Variants in HECTD3 observed in about 807,000 individuals in gnomAD.
HECTD3 encodes E3 ubiquitin-protein ligase HECTD3.
A neutral mutation model predicts 109.3 loss-of-function variants in HECTD3; 72 were observed. The observed-to-expected ratio is 0.66, with a 90% CI of 0.54 to 0.80. The LOEUF (loss-of-function observed/expected upper bound fraction) is 0.80. Ranked by LOEUF, HECTD3 falls within the 30% of genes least tolerant of loss-of-function variation. The pLI is 0.00. For synonymous variants in HECTD3, 481 were observed against 471.8 expected (o/e 1.02, Z -0.25); for missense variants, 1,041 against 1,165.2 (o/e 0.89, Z 1.55).
In HECTD3 at chr1:45,002,601, G is replaced by A. The variant is rs1333089345; in HGVS notation, c.*891C>T. 2.6e-5 allele frequency: 4 copies of A among 152,294 alleles called. No homozygotes were observed. Among genetic ancestry groups the A allele is most frequent in the African/African-American group, 7.2e-5 (3 of 41,454 alleles). The allele number at this position is 152,294 out of a possible 1,614,324, so 9.4% of individuals were successfully genotyped here. On this transcript the variant is annotated 3_prime_UTR_variant, in exon 21 of 21. Coordinates refer to ENST00000372172, the MANE Select transcript of HECTD3 (RefSeq NM_024602.6). ...GTATGCAAGAACTTCTTTTCATGGA[G>A]TGTCACGGAGGCCCTGAGGGAGGAA...
Position 45,010,937 on chromosome 1 carries a change from C to A in HECTD3, c.321G>T (p.Thr107=). ...ELRRGACVRT[T]GEELCNGHGL... is the part of the protein sequence containing the mutation. ...CGTGGCCATTGCACAGCTCCTCGCC[C>A]GTGGTGCGCACGCAGGCGCCGCGCC... is the stretch of plus-strand genomic sequence containing the variant. Residue 107 remains threonine, a synonymous_variant, in exon 1 of 21, where the codon ACG becomes ACT. Coordinates refer to ENST00000372172, the MANE Select transcript of HECTD3 (RefSeq NM_024602.6). The A allele has an allele frequency of 6.5e-7, 1 of 1,540,632 alleles. No individual in the cohort carries two copies. Among genetic ancestry groups the A allele is most frequent in the Non-Finnish European group, 8.6e-7 (1 of 1,156,444 alleles).
intron 1 of HECTD3, 76 bp from the exon 2 acceptor site, chr1:45,010,782 G>T: frequency 1.3e-6 from 2 of 1,511,342 alleles, no homozygotes; most frequent in East Asian, 4.6e-5. Context: ...CAGGGCAAAG[G>T]GCGCCGAACG....
rs1226960958 is a variant in HECTD3, at chr1:45,008,544, G to A, written c.1230C>T (p.Leu410=). 2 of 1,612,864 alleles carry A rather than the reference G, an allele frequency of 1.2e-6. No individual in the cohort carries two copies. Among genetic ancestry groups the A allele is most frequent in the East Asian group, 2.2e-5 (1 of 44,828 alleles). ...DPEVLYRRAV[L]LQRFIKILDS... is the part of the protein sequence containing the mutation. ...TCCAGGACCACAGCCACCTCTGCAGGAGGACAGCTCTGCGGTACAGTACTT... is the reference window on the plus strand; with the variant it reads ...TCCAGGACCACAGCCACCTCTGCAGAAGGACAGCTCTGCGGTACAGTACTT... Residue 410 remains leucine, a synonymous_variant, in exon 8 of 21, where the codon CTC becomes CTT. Coordinates refer to ENST00000372172, the MANE Select transcript of HECTD3 (RefSeq NM_024602.6).
In HECTD3 at chr1:45,009,627, G is replaced by A. The variant is rs570854697; in HGVS notation, c.816C>T (p.Ser272=). 29 of 1,614,026 alleles carry A rather than the reference G, an allele frequency of 1.8e-5. No individual in the cohort carries two copies. The African/African-American group carries it at 2.8e-4, about 16-fold the overall frequency. The stretch of plus-strand genomic sequence containing the variant: ...CCCAGTGTTGGCACTGGGACCCATC[G>A]CTCTCCCAGTAGGTATCGGCATTGC... The part of the protein sequence containing the change: ...TDSNADTYWE[S]DGSQCQHWVR... Residue 272 remains serine, a synonymous_variant, in exon 5 of 21, where the codon AGC becomes AGT. Coordinates refer to ENST00000372172, the MANE Select transcript of HECTD3 (RefSeq NM_024602.6).
rs367892646 is a variant in HECTD3, at chr1:45,010,920, T to A, written c.338A>T (p.Asn113Ile). ...CVRTTGEELC[N>I]GHGLWVKLTK... ...CAGCTTCACCCAGAGCCCGTGGCCA[T>A]TGCACAGCTCCTCGCCCGTGGTGCG... Residue 113 changes from asparagine to isoleucine, a missense_variant, in exon 1 of 21, where the codon AAT becomes ATT. This residue lies in a region of HECTD3 where 472 missense variants were observed against 449.9 expected (regional missense o/e 1.05). Transcript: ENST00000372172. 6.5e-7 allele frequency: 1 copy of A among 1,548,868 alleles called. No homozygotes were observed.
At position 45,011,230 on chromosome 1, in the gene HECTD3, G is replaced by A. The variant is rs969202452; in HGVS notation, c.28C>T (p.Leu10=). The A allele has an allele frequency of 4.6e-5, 64 of 1,390,932 alleles. No homozygotes were observed. Among genetic ancestry groups the A allele is most frequent in the Middle Eastern group, 5.1e-4 (2 of 3,934 alleles). The allele number at this position is 1,390,932 out of a possible 1,614,324, so 86.2% of individuals were successfully genotyped here. Residue 10 remains leucine, a synonymous_variant, in exon 1 of 21, where the codon CTG becomes TTG. Transcript: ENST00000372172. The part of the protein sequence containing the change: MAGPGPGAV[L]ESPRQLLGRV... ...CCCAGCAGCTGCCGGGGGGACTCCAGCACCGCGCCCGGGCCAGGACCCGCC... is the reference window on the plus strand; with the variant it reads ...CCCAGCAGCTGCCGGGGGGACTCCAACACCGCGCCCGGGCCAGGACCCGCC...
chr1:45,010,046 C>T lies in HECTD3; in HGVS notation c.699G>A (p.Glu233=), dbSNP rs1217283902. Residue 233 remains glutamate, a synonymous_variant, in exon 4 of 21, where the codon GAG becomes GAA. Transcript: ENST00000372172. ...GCTTCACGCTACCCAGGTTCTCATC[C>T]TCCTTGCCCAGGTGGTCATACAAGA... is the stretch of plus-strand genomic sequence containing the variant. The part of the protein sequence containing the change: ...IHFLYDHLGK[E]DENLGSVKQY... 4 of 1,564,888 alleles carry T rather than the reference C, an allele frequency of 2.6e-6. No homozygotes were observed. Among genetic ancestry groups the T allele is most frequent in the East Asian group, 2.3e-5 (1 of 44,416 alleles).
At chr1:45,008,171 C>A in intron 9 of HECTD3, 69 bp downstream of exon 9, 1 of 1,270,048 alleles carries the variant, frequency 7.9e-7, no homozygotes, top group South Asian at 1.2e-5. Context: ...AGGAACTCTG[C>A]TAAGGAATGA....
chr1:45,005,602 C>T, intron 15 of HECTD3, 192 bp downstream of exon 15: 1 of 500,430 alleles, frequency 2.0e-6, no homozygotes, highest in East Asian at 3.1e-5. Flanking sequence ...TGGCCCCAGG[C>T]TTAGGAGAGG....
rs1403643159 is a variant in HECTD3, at chr1:45,009,692, G to A, written c.760-9C>T. 5 of 1,602,492 alleles carry A rather than the reference G, an allele frequency of 3.1e-6. No individual in the cohort carries two copies. The highest frequency in any genetic ancestry group is 2.2e-5 in the East Asian group (1 of 44,784). On this transcript the variant is annotated splice_polypyrimidine_tract_variant and intron_variant, in intron 4 of 20. Coordinates refer to ENST00000372172, the MANE Select transcript of HECTD3 (RefSeq NM_024602.6). Reference sequence around the variant, plus strand: ...GACACGTTGAACTCCTCCTGGGGAGGGGCAGAGACGTGAAGTCAGCAGTTA... The same window carrying A: ...GACACGTTGAACTCCTCCTGGGGAGAGGCAGAGACGTGAAGTCAGCAGTTA...
rs764933323 is a variant in HECTD3 at position 45,004,661 on chromosome 1, C to T, written c.2081G>A (p.Gly694Glu). The T allele has an allele frequency of 6.4e-5, 104 of 1,614,056 alleles. No homozygotes were observed. Among genetic ancestry groups the T allele is most frequent in the Non-Finnish European group, 8.5e-5 (100 of 1,180,044 alleles). The change falls in exon 16 of 21, where the codon GGG (glycine) becomes GAG (glutamate). Residue 694 changes from glycine (G) to glutamate (E), a missense_variant. Around this residue, in one of 2 missense-constraint regions of HECTD3, gnomAD observed 569 missense variants for 715.3 expected, o/e 0.80. Coordinates refer to ENST00000372172, the MANE Select transcript of HECTD3 (RefSeq NM_024602.6). Reference protein sequence around the residue: ...PGGAGIVVGYGDRSRFIQLVQ... With the variant: ...PGGAGIVVGYEDRSRFIQLVQ... Reference sequence around the variant, plus strand: ...CAGTTGGATGAAACGAGAACGGTCCCCATATCCCACGACGATGCCTGCACC... The same window carrying T: ...CAGTTGGATGAAACGAGAACGGTCCTCATATCCCACGACGATGCCTGCACC...
chr1:45,010,509 C>G, intron 2 of HECTD3, 37 bp downstream of exon 2: 7 of 1,612,050 alleles, frequency 4.3e-6, no homozygotes, highest in Non-Finnish European at 5.9e-6. Flanking sequence ...CTGGCCCGGC[C>G]TTCTGACAGC....
chr1:45,006,106 G>C lies in HECTD3; in HGVS notation c.1736C>G (p.Thr579Ser), dbSNP rs777746576. The change falls in exon 14 of 21, where the codon ACT (threonine) becomes AGT (serine). Residue 579 changes from threonine to serine, a missense_variant. Transcript: ENST00000372172. This position sits in a 1 kb window ranked among gnomAD's most constrained non-coding sequence, Gnocchi z 4.7. ...FVRTANQGNG[T>S]GEARDMYVPN... ...TACATACATGTCCCGAGCCTCACCA[G>C]TGCCATTGCCCTGCCCCAGAGACAG... is the stretch of plus-strand genomic sequence containing the variant. The C allele has an allele frequency of 1.2e-6, 2 of 1,614,034 alleles. No homozygotes were observed. The highest frequency in any genetic ancestry group is 1.3e-5 in the African/African-American group (1 of 75,050).
In HECTD3 at chr1:45,004,055, C is replaced by T; in HGVS notation, c.2347+5G>A. ...CCAGGTGTCACCCTGCCCTCCTCCACTGACCGTTGGTGAAGTTGTTCAGTG... is the reference window on the plus strand; with the variant it reads ...CCAGGTGTCACCCTGCCCTCCTCCATTGACCGTTGGTGAAGTTGTTCAGTG... On this transcript the variant is annotated splice_donor_5th_base_variant and intron_variant, in intron 18 of 20. Coordinates refer to ENST00000372172, the MANE Select transcript of HECTD3 (RefSeq NM_024602.6). 1.2e-6 allele frequency: 2 copies of T among 1,614,106 alleles called. No homozygotes were observed. Among genetic ancestry groups the T allele is most frequent in the Non-Finnish European group, 1.7e-6 (2 of 1,180,020 alleles).
intron 14 of HECTD3, 38 bp from the exon 15 acceptor site, chr1:45,005,921 A>AG (rs1326171389): frequency 6.2e-7 from 1 of 1,605,654 alleles, no homozygotes; most frequent in Non-Finnish European, 8.5e-7. Flanking sequence ...TCTCACCCTG[A>AG]GCTGCCCAGG....
chr1:45,011,268 C>T lies in HECTD3; in HGVS notation c.-11G>A, dbSNP rs1001908940. ...GCCAGGACCCGCCATGGCGAAGTGG[C>T]GGAGGTGAGCACCTAGAGGCGACCC... On this transcript the variant is annotated 5_prime_UTR_variant, in exon 1 of 21. Transcript: ENST00000372172. 1 of 1,353,696 alleles carries T rather than the reference C, an allele frequency of 7.4e-7. No homozygotes were observed. Among genetic ancestry groups the T allele is most frequent in the Non-Finnish European group, 9.4e-7 (1 of 1,058,876 alleles). 83.9% of individuals were successfully genotyped at this position (1,353,696 alleles called of 1,614,324 possible). A position where few individuals can be genotyped will look rare whatever the true frequency, so the allele number is the denominator to read the frequency against.
Position 45,009,811 on chromosome 1 carries a change from G to C in HECTD3, c.760-128C>G, listed in dbSNP as rs902647941. ...GCTAACAGGCAACTGGTATGGGATA[G>C]GGGGCCGCTGGGTATGTAAGGGGTC... On this transcript the variant is annotated intron_variant, in intron 4 of 20. Transcript: ENST00000372172. The C allele has an allele frequency of 4.8e-6, 5 of 1,033,444 alleles. No homozygotes were observed. In the African/African-American group the frequency reaches 8.0e-5, roughly 16 times the overall value. The allele number at this position is 1,033,444 out of a possible 1,614,324, so 64.0% of individuals were successfully genotyped here. A position where few individuals can be genotyped will look rare whatever the true frequency, so the allele number is the denominator to read the frequency against.
chr1:45,005,169 C>T (rs950482303), intron 15 of HECTD3: 13 of 381,986 alleles, frequency 3.4e-5, no homozygotes, highest in Non-Finnish European at 5.4e-5. Flanking sequence ...ACAGGGTTCA[C>T]GTAAGGCCTT....
In HECTD3 at chr1:45,005,980, T is replaced by C; in HGVS notation, c.1845+17A>G. 6.2e-7 allele frequency: 1 copy of C among 1,612,246 alleles called. No individual in the cohort carries two copies. The highest frequency in any genetic ancestry group is 8.5e-7 in the Non-Finnish European group (1 of 1,178,686). ...GGCCAGGGCTGATCGGACGGGGGTG[T>C]GGATAAGGCTACTCACCAGGAACTC... On this transcript the variant is annotated intron_variant, in intron 14 of 20. Coordinates refer to ENST00000372172, the MANE Select transcript of HECTD3 (RefSeq NM_024602.6).
Sources: gnomAD v4.1 joint callset for allele counts on GRCh38, gnomAD v4.1.1 for gene constraint, gnomAD v4.1.1 regional missense constraint, Gnocchi (gnomAD v3.1) non-coding constraint, MANE v1.5 for transcripts, NCBI Gene and HGNC (gene_info 2026-07-23, HGNC 2026-07-21) for gene names.